Variants in MERTK observed in about 807,000 individuals in gnomAD.
MERTK encodes the protein tyrosine-protein kinase Mer.
A neutral mutation model predicts 99.3 loss-of-function variants in MERTK; 69 were observed. The ratio of observed to expected loss-of-function variants is 0.70; its 90% confidence interval spans 0.57 to 0.85. The LOEUF (loss-of-function observed/expected upper bound fraction) is 0.85, where lower values mean the gene tolerates loss of function less well. Ranked by LOEUF, MERTK falls within the 40% of genes least tolerant of loss-of-function variation. The probability of loss-of-function intolerance (pLI) is 0.00; values close to 1 mark genes in which losing one functional copy is unlikely to be tolerated. For synonymous variants in MERTK, 426 were observed against 467.6 expected (o/e 0.91, Z 1.15); for missense variants, 1,125 against 1,249.4 (o/e 0.90, Z 1.50).
intron 2 of MERTK, among the ~76,000 whole-genome samples, 182 bp from the exon 3 acceptor site, chr2:111,944,778 G>A (rs1457766138): frequency 6.6e-6 from 1 of 152,210 alleles, no homozygotes; most frequent in Non-Finnish European, 1.5e-5. Context: ...CATGTGAAAA[G>A]TACCTTCACA....
intron 6 of MERTK, among the ~76,000 whole-genome samples, chr2:111,969,038 C>A (rs1676021047): frequency 6.6e-6 from 1 of 152,290 alleles, no homozygotes; most frequent in Middle Eastern, 3.4e-3. Flanking sequence ...CTTGTGGAAT[C>A]TTCAGCCATT....
chr2:111,929,580 A>ATATTTATTTATTTATTTATTTTTTTATT, intron 2 of MERTK, 40 bp downstream of exon 2: 1 of 1,092,340 alleles, frequency 9.2e-7, no homozygotes, highest in Non-Finnish European at 1.3e-6. Context: ...TTTAGTTTTA[A>ATATTTATTTATTTATTTATTTTTTTATT]TATTTATTTA....
At chr2:111,914,600 G>GT (rs898323494) in intron 1 of MERTK, among the ~76,000 whole-genome samples, 1 of 151,866 alleles carries the variant, frequency 6.6e-6, no homozygotes, top group African/African-American at 2.4e-5. Context: ...TTCTTAGAGG[G>GT]TTTTTTTTCC....
intron 4 of MERTK, among the ~76,000 whole-genome samples, chr2:111,948,108 C>T (rs1684994032): frequency 6.6e-6 from 1 of 152,188 alleles, no homozygotes; most frequent in Non-Finnish European, 1.5e-5. Flanking sequence ...TGACGTTTCC[C>T]ATGCACTGAA....
chr2:112,019,256 A>G (rs1677282164), intron 15 of MERTK, 157 bp from the exon 16 acceptor site: 1 of 767,320 alleles, frequency 1.3e-6, no homozygotes, highest in Admixed American at 1.7e-5. Flanking sequence ...TAAAAACCTT[A>G]TTTGTGATAT....
At chr2:111,987,022 C>A (rs1439033790) in intron 8 of MERTK, among the ~76,000 whole-genome samples, 2 of 152,184 alleles carry the variant, frequency 1.3e-5, no homozygotes, top group East Asian at 3.8e-4. Context: ...CTTCAATTTC[C>A]TTCATCTCAG....
chr2:111,971,750 G>A (rs1173232832), intron 6 of MERTK, among the ~76,000 whole-genome samples: 1 of 152,176 alleles, frequency 6.6e-6, no homozygotes, highest in African/African-American at 2.4e-5. Flanking sequence ...AGTTTTGTGT[G>A]CACCTGAGAA....
chr2:111,959,452 C>CGTTT (rs58897094), intron 4 of MERTK, among the ~76,000 whole-genome samples: 7,661 of 151,840 alleles, frequency 0.05, 172 homozygotes, highest in African/African-American at 0.057. Context: ...CAAGATCCTT[C>CGTTT]GTTTGTTTGT....
intron 8 of MERTK, among the ~76,000 whole-genome samples, chr2:111,985,801 C>T (rs1676467983): frequency 6.6e-6 from 1 of 152,130 alleles, no homozygotes; most frequent in African/African-American, 2.4e-5. Context: ...CAGGACCCTC[C>T]CATGGCACTA....
At chr2:112,015,370 T>C (rs998737007) in intron 15 of MERTK, among the ~76,000 whole-genome samples, 15 of 152,210 alleles carry the variant, frequency 9.9e-5, no homozygotes, top group Non-Finnish European at 1.6e-4. Flanking sequence ...CTTATAGCTG[T>C]CCTGATTGAT....
At chr2:111,900,882 C>T (rs951395140) in intron 1 of MERTK, among the ~76,000 whole-genome samples, 4 of 152,208 alleles carry the variant, frequency 2.6e-5, no homozygotes, top group South Asian at 2.1e-4. Flanking sequence ...TTTCCTATTA[C>T]ACATTGTGGG....
intron 6 of MERTK, among the ~76,000 whole-genome samples, chr2:111,969,024 A>C (rs1259721412): frequency 6.6e-6 from 1 of 152,174 alleles, no homozygotes; most frequent in Non-Finnish European, 1.5e-5. Context: ...TGGTCATTGC[A>C]GGCCTTGTGG....
At chr2:111,940,090 C>T (rs1684834114) in intron 2 of MERTK, among the ~76,000 whole-genome samples, 1 of 147,626 alleles carries the variant, frequency 6.8e-6, no homozygotes, top group Non-Finnish European at 1.5e-5. Flanking sequence ...AGCCCAGGTC[C>T]TCTTTCTTGG....
chr2:111,900,932 G>A (rs1375570603), intron 1 of MERTK, among the ~76,000 whole-genome samples: 1 of 152,158 alleles, frequency 6.6e-6, no homozygotes, highest in East Asian at 1.9e-4. Context: ...GACAGAGAGA[G>A]AGACAATGAG....
chr2:111,952,984 CA>C (rs1471415853), intron 4 of MERTK, among the ~76,000 whole-genome samples: 1 of 152,058 alleles, frequency 6.6e-6, no homozygotes, highest in Non-Finnish European at 1.5e-5. Flanking sequence ...TCCATGAGAC[CA>C]GGGGGGCTCT....
At position 111,965,174 on chromosome 2, in the gene MERTK, G is replaced by A; in HGVS notation, c.758-17G>A. The A allele has an allele frequency of 1.2e-6, 2 of 1,611,274 alleles. No homozygotes were observed. The highest frequency in any genetic ancestry group is 1.3e-5 in the African/African-American group (1 of 74,978). ...TGTTTCTCTGCTGCTGGTCTCATGA[G>A]TCTCCTTCCATTCCAGGCCTGACGG... is the stretch of plus-strand genomic sequence containing the variant. On this transcript the variant is annotated splice_polypyrimidine_tract_variant and intron_variant, in intron 4 of 18. Coordinates refer to ENST00000295408, the MANE Select transcript of MERTK (RefSeq NM_006343.3).
chr2:112,018,160 G>C (rs1677256946), intron 15 of MERTK, among the ~76,000 whole-genome samples: 1 of 152,118 alleles, frequency 6.6e-6, no homozygotes, highest in Admixed American at 6.5e-5. Context: ...GTTGATTTTT[G>C]TATGTCCATC....
chr2:112,021,514 A>G lies in MERTK; in HGVS notation c.2282A>G (p.Lys761Arg). ...GDYYRQGRIAKMPVKWIAIES... is the reference protein window; with the variant it reads ...GDYYRQGRIARMPVKWIAIES... Reference sequence around the variant, plus strand: ...TATTACCGCCAAGGCCGCATTGCTAAGATGCCTGTTAAATGGATCGCCATA... The same window carrying G: ...TATTACCGCCAAGGCCGCATTGCTAGGATGCCTGTTAAATGGATCGCCATA... The change falls in exon 17 of 19, where the codon AAG (lysine) becomes AGG (arginine). Residue 761 changes from lysine (K) to arginine (R), a missense_variant. By Grantham distance (26) the Lys-to-Arg change is conservative (BLOSUM62 2). Transcript: ENST00000295408. 1 of 1,614,066 alleles carries G rather than the reference A, an allele frequency of 6.2e-7. No homozygotes were observed. Among genetic ancestry groups the G allele is most frequent in the Middle Eastern group, 1.7e-4 (1 of 6,054 alleles).
rs188480773 is a variant in MERTK, at chr2:112,025,047, C to T, written c.2486+2653C>T. ...GACTCTTCTTCATAGTGAAGGAGGT[C>T]GAGGTCACGGATGAGAGCAGGTGCC... On this transcript the variant is annotated intron_variant, in intron 18 of 18. Transcript: ENST00000295408. Among the ~76,000 whole-genome samples, 24 of 152,294 alleles carry T rather than the reference C, an allele frequency of 1.6e-4. No individual in the cohort carries two copies. The East Asian group carries it at 4.0e-3, about 26-fold the overall frequency.
Sources: gnomAD v4.1 joint callset for allele counts (sites outside exome capture counted in the v4.1 genomes callset) on GRCh38, gnomAD v4.1.1 for gene constraint, MANE v1.5 for transcripts, NCBI Gene and HGNC (gene_info 2026-07-23, HGNC 2026-07-21) for gene names.